Variants in AHCYL2 observed in about 807,000 individuals in gnomAD.
AHCYL2 encodes the protein adenosylhomocysteinase like 2.
A neutral mutation model predicts 81.4 loss-of-function variants in AHCYL2; 28 were observed. The observed-to-expected ratio is 0.34, with a 90% CI of 0.25 to 0.47. The LOEUF (loss-of-function observed/expected upper bound fraction) is 0.47. AHCYL2 is among the 20% of genes least tolerant of loss of function. AHCYL2 has a pLI of 1.00. For synonymous variants in AHCYL2, 272 were observed against 290.2 expected, an observed-to-expected ratio of 0.94 and a Z score of 0.64; for missense variants, 551 against 785.1, an observed-to-expected ratio of 0.70 and a Z score of 3.56.
intron 1 of AHCYL2, among the ~76,000 whole-genome samples, chr7:129,270,384 C>T (rs767315794): frequency 6.6e-6 from 1 of 152,210 alleles, no homozygotes; most frequent in Non-Finnish European, 1.5e-5. Flanking sequence ...CCTATGGGTC[C>T]TGTCCATGAT....
At chr7:129,288,658 C>T (rs185505742) in intron 1 of AHCYL2, among the ~76,000 whole-genome samples, 1 of 151,956 alleles carries the variant, frequency 6.6e-6, no homozygotes, top group African/African-American at 2.4e-5. Context: ...CTGCGCCTGG[C>T]AGTACTTCTA....
intron 1 of AHCYL2, among the ~76,000 whole-genome samples, chr7:129,328,271 G>A (rs574919692): frequency 3.8e-4 from 57 of 151,600 alleles, no homozygotes; most frequent in Non-Finnish European, 1.0e-4. Context: ...TCTGCCTCTC[G>A]GGTTCAAGTG....
intron 1 of AHCYL2, among the ~76,000 whole-genome samples, chr7:129,239,039 T>C (rs1025241475): frequency 7.9e-5 from 12 of 152,228 alleles, no homozygotes; most frequent in African/African-American, 2.4e-4. Context: ...ATCATTTACC[T>C]GTTAGGACTG....
At chr7:129,317,841 C>T (rs1055838814) in intron 1 of AHCYL2, among the ~76,000 whole-genome samples, 1 of 152,104 alleles carries the variant, frequency 6.6e-6, no homozygotes, top group Non-Finnish European at 1.5e-5. Flanking sequence ...ATAACATTTA[C>T]AATAGCATAA....
At chr7:129,318,980 G>A (rs1363559421) in intron 1 of AHCYL2, among the ~76,000 whole-genome samples, 5 of 151,870 alleles carry the variant, frequency 3.3e-5, no homozygotes, top group Non-Finnish European at 5.9e-5. Context: ...TATAAGCAAA[G>A]TTAAAAGACA....
intron 1 of AHCYL2, among the ~76,000 whole-genome samples, chr7:129,315,682 G>T (rs1325080326): frequency 6.6e-6 from 1 of 152,222 alleles, no homozygotes; most frequent in African/African-American, 2.4e-5. Context: ...ATCCTAGTGG[G>T]TGATTAGTAA....
intron 1 of AHCYL2, among the ~76,000 whole-genome samples, chr7:129,363,001 A>G (rs1050192205): frequency 6.6e-6 from 1 of 152,142 alleles, no homozygotes; most frequent in African/African-American, 2.4e-5. Context: ...ATCATCCGGC[A>G]GGCCATATGC....
chr7:129,318,433 A>G (rs763214548), intron 1 of AHCYL2, among the ~76,000 whole-genome samples: 1 of 152,224 alleles, frequency 6.6e-6, no homozygotes, highest in Non-Finnish European at 1.5e-5. Context: ...GAAACAACAG[A>G]CTATTCAAAA....
chr7:129,423,514 G>A (rs1458008143), intron 13 of AHCYL2, among the ~76,000 whole-genome samples: 4 of 152,098 alleles, frequency 2.6e-5, no homozygotes, highest in Non-Finnish European at 5.9e-5. Flanking sequence ...GTCAGTGTTT[G>A]ACCACTTTTC....
At chr7:129,328,107 A>G (rs1361701112) in intron 1 of AHCYL2, among the ~76,000 whole-genome samples, 2 of 151,676 alleles carry the variant, frequency 1.3e-5, no homozygotes, top group African/African-American at 4.8e-5. Context: ...TGAGAAAACT[A>G]TTTTAAAAGT....
Position 129,305,129 on chromosome 7 carries a change from A to G in AHCYL2, c.364-74509A>G, listed in dbSNP as rs150954003. ...CCCATTATTTTAAACTGATGACAACACCGATTGTATAAACAGACAAGCAAA... is the reference window on the plus strand; with the variant it reads ...CCCATTATTTTAAACTGATGACAACGCCGATTGTATAAACAGACAAGCAAA... On this transcript the variant is annotated intron_variant, in intron 1 of 16. Coordinates refer to ENST00000325006, the MANE Select transcript of AHCYL2 (RefSeq NM_015328.4). 1.3e-3 allele frequency among the ~76,000 whole-genome samples: 198 copies of G among 152,084 alleles called. 1 individual carries two copies. The highest frequency in any genetic ancestry group is 4.5e-3 in the African/African-American group (188 of 41,488).
chr7:129,233,843 A>G (rs1049082734), intron 1 of AHCYL2, among the ~76,000 whole-genome samples: 1 of 152,056 alleles, frequency 6.6e-6, no homozygotes, highest in Admixed American at 6.6e-5. Context: ...TTTATGCCTC[A>G]TTATAAAAAT....
rs1003491575 is a variant in AHCYL2, at chr7:129,258,302, G to A, written c.363+32863G>A. ...CATCCTTCACTTTTTCTGTTACTGT[G>A]TATTCTGTTGGATTGTTGCTTAAAT... On this transcript the variant is annotated intron_variant, in intron 1 of 16. Coordinates refer to ENST00000325006, the MANE Select transcript of AHCYL2 (RefSeq NM_015328.4). Among the ~76,000 whole-genome samples, 3 of 144,240 alleles carry A rather than the reference G, an allele frequency of 2.1e-5. No individual in the cohort carries two copies. In the Admixed American group the frequency reaches 2.1e-4, roughly 10 times the overall value. The allele number at this position is 144,240 out of a possible 152,430, so 94.6% of individuals were successfully genotyped here.
chr7:129,242,561 C>G (rs1794900767), intron 1 of AHCYL2, among the ~76,000 whole-genome samples: 1 of 151,818 alleles, frequency 6.6e-6, no homozygotes, highest in South Asian at 2.1e-4. Flanking sequence ...ACTAAAAATA[C>G]AAAAAATTAG....
rs770798153 is a variant in AHCYL2 at position 129,322,200 on chromosome 7, C to T, written c.364-57438C>T. ...TGTTACCCAGGCTGGAGTCCAGTGG[C>T]GTGATCTTGGCTCACTGCAACCTCT... On this transcript the variant is annotated intron_variant, in intron 1 of 16. Coordinates refer to ENST00000325006, the MANE Select transcript of AHCYL2 (RefSeq NM_015328.4). Among the ~76,000 whole-genome samples the T allele has an allele frequency of 3.9e-5, 6 of 152,102 alleles. No individual in the cohort carries two copies. The East Asian group carries it at 9.6e-4, about 24-fold the overall frequency.
At chr7:129,340,788 TTTAATCCATTA>T (rs751012148) in intron 1 of AHCYL2, among the ~76,000 whole-genome samples, 141 of 152,214 alleles carry the variant, frequency 9.3e-4, no homozygotes, top group Non-Finnish European at 2.8e-4. Context: ...TATTTTCTCC[TTTAATCCATTA>T]TGGTGGTAAT....
chr7:129,362,597 G>GTT (rs769346623), intron 1 of AHCYL2, among the ~76,000 whole-genome samples: 1,154 of 63,654 alleles, frequency 0.018, 60 homozygotes, highest in Admixed American at 0.033. Flanking sequence ...TGGTTTTCTT[G>GTT]TTTTTTTTTT....
chr7:129,330,340 A>G (rs1798373831), intron 1 of AHCYL2, among the ~76,000 whole-genome samples: 1 of 152,144 alleles, frequency 6.6e-6, no homozygotes. Context: ...GGAAACAATA[A>G]AGTAACAAAA....
intron 1 of AHCYL2, among the ~76,000 whole-genome samples, chr7:129,358,704 C>A (rs1197647581): frequency 6.6e-6 from 1 of 152,106 alleles, no homozygotes; most frequent in African/African-American, 2.4e-5. Context: ...GTACTTAATG[C>A]CACTGAACTG....
Sources: allele counts gnomAD v4.1 joint callset (sites outside exome capture counted in the v4.1 genomes callset), GRCh38; gene constraint gnomAD v4.1.1; transcripts MANE v1.5; gene names NCBI Gene and HGNC (gene_info 2026-07-23, HGNC 2026-07-21).